PUM3: variants seen among roughly 807,000 people sequenced by gnomAD.
The protein encoded by PUM3 is pumilio RNA binding family member 3, also known as pumilio homolog 3.
PUM3 carries 91 observed loss-of-function variants against 84.0 expected under a neutral mutation model. The ratio of observed to expected loss-of-function variants is 1.08; its 90% confidence interval spans 0.91 to 1.29. The LOEUF (loss-of-function observed/expected upper bound fraction) is 1.29. Ranked by LOEUF, PUM3 falls within the 50% of genes most tolerant of loss-of-function variation. PUM3 has a pLI of 0.00. For synonymous variants in PUM3, 321 were observed against 266.7 expected, an observed-to-expected ratio of 1.20 and a Z score of -1.98; for missense variants, 1,067 against 767.5, an observed-to-expected ratio of 1.39 and a Z score of -4.61.
At chr9:2,808,309 C>T (rs1049571725) in intron 16 of PUM3, among the ~76,000 whole-genome samples, 1 of 152,234 alleles carries the variant, frequency 6.6e-6, no homozygotes, top group African/African-American at 2.4e-5. Context: ...GAGAAATGCT[C>T]ACTCACAAGG....
chr9:2,816,376 A>G (rs1821469787), intron 13 of PUM3, among the ~76,000 whole-genome samples: 1 of 152,202 alleles, frequency 6.6e-6, no homozygotes, highest in East Asian at 1.9e-4. Flanking sequence ...AAAAACTGGA[A>G]GGTCTAGTTT....
chr9:2,819,112 C>T (rs892418555), intron 13 of PUM3, among the ~76,000 whole-genome samples: 1 of 152,160 alleles, frequency 6.6e-6, no homozygotes, highest in Non-Finnish European at 1.5e-5. Context: ...ATGTGGTTTT[C>T]CAGACGTTTC....
intron 9 of PUM3, 97 bp downstream of exon 9, chr9:2,828,578 A>G: frequency 1.4e-6 from 1 of 725,080 alleles, no homozygotes; most frequent in Non-Finnish European, 2.4e-6. Context: ...TAATACTTGT[A>G]AGCAGGAAAT....
At chr9:2,837,489 T>G in intron 2 of PUM3, 88 bp from the exon 3 acceptor site, 1 of 832,028 alleles carries the variant, frequency 1.2e-6, no homozygotes, top group South Asian at 1.8e-5. Flanking sequence ...AAAATTATAC[T>G]TTTTAATCCC....
At chr9:2,822,582 T>C (rs1382988496) in intron 12 of PUM3, among the ~76,000 whole-genome samples, 1 of 151,578 alleles carries the variant, frequency 6.6e-6, no homozygotes, top group Non-Finnish European at 1.5e-5. Context: ...TAAAATGTTA[T>C]ACTCTTAATA....
At chr9:2,816,473 T>A (rs539146202) in intron 13 of PUM3, among the ~76,000 whole-genome samples, 2 of 152,272 alleles carry the variant, frequency 1.3e-5, no homozygotes, top group Non-Finnish European at 2.9e-5. Flanking sequence ...ACTACTTAAC[T>A]GTATCCTTCA....
At chr9:2,838,331 T>C in intron 2 of PUM3, 95 bp downstream of exon 2, 2 of 836,142 alleles carry the variant, frequency 2.4e-6, no homozygotes, top group South Asian at 2.9e-5. Context: ...ATTTTAATCC[T>C]AATCCTAGCC....
chr9:2,829,950 T>C lies in PUM3; in HGVS notation c.678-2A>G, dbSNP rs1796323526. ...ATCTCTGCAATCTGTGGTTTACTTC[T>C]AAACGCAACACAATCATGGAAAAAT... On this transcript the variant is annotated splice_acceptor_variant, in intron 7 of 17. Coordinates refer to ENST00000397885, the MANE Select transcript of PUM3 (RefSeq NM_014878.5). LOFTEE classifies it high-confidence loss of function. 3.7e-6 allele frequency: 6 copies of C among 1,603,616 alleles called. No homozygotes were observed. Among genetic ancestry groups the C allele is most frequent in the Non-Finnish European group, 5.1e-6 (6 of 1,172,180 alleles).
At chr9:2,841,711 G>C (rs1186759222) in intron 1 of PUM3, among the ~76,000 whole-genome samples, 1 of 146,834 alleles carries the variant, frequency 6.8e-6, no homozygotes, top group Non-Finnish European at 1.5e-5. Context: ...TACTGCTGCA[G>C]GCCAAAAAAA....
At chr9:2,841,875 C>A (rs1471181802) in intron 1 of PUM3, among the ~76,000 whole-genome samples, 3 of 152,182 alleles carry the variant, frequency 2.0e-5, no homozygotes, top group African/African-American at 7.2e-5. Context: ...CAAGTTTACT[C>A]TTTCTGGTGT....
chr9:2,804,280 CAGAA>C lies in PUM3; in HGVS notation c.*47_*50del, dbSNP rs1821216154. 6.3e-7 allele frequency: 1 copy of C among 1,580,932 alleles called. No homozygotes were observed. Among genetic ancestry groups the C allele is most frequent in the African/African-American group, 1.4e-5 (1 of 73,670 alleles). On this transcript the variant is annotated 3_prime_UTR_variant, in exon 18 of 18. Coordinates refer to ENST00000397885, the MANE Select transcript of PUM3 (RefSeq NM_014878.5). ...ACCCCTTCTTTTCTGCATTGGGAAA[CAGAA>C]CAGAGAACAGAAAAAATCATTCCAT...
At chr9:2,823,688 G>A (rs992009194) in intron 12 of PUM3, 93 bp downstream of exon 12, 1 of 540,004 alleles carries the variant, frequency 1.9e-6, no homozygotes, top group East Asian at 3.3e-5. Context: ...TTTCTGCTTG[G>A]TAATTTTCTG....
chr9:2,824,364 G>A (rs529365826), intron 11 of PUM3, among the ~76,000 whole-genome samples: 1 of 152,136 alleles, frequency 6.6e-6, no homozygotes, highest in African/African-American at 2.4e-5. Flanking sequence ...GTGGCCAGCT[G>A]TTTGTTATCT....
chr9:2,832,547 T>G (rs1816011548), intron 5 of PUM3, among the ~76,000 whole-genome samples: 2 of 152,196 alleles, frequency 1.3e-5, no homozygotes, highest in South Asian at 4.1e-4. Flanking sequence ...CAGCCAGGAT[T>G]TGAATACCAA....
chr9:2,807,923 C>A lies in PUM3; in HGVS notation c.1724-19G>T. 6.7e-7 allele frequency: 1 copy of A among 1,484,132 alleles called. No individual in the cohort carries two copies. The highest frequency in any genetic ancestry group is 9.4e-7 in the Non-Finnish European group (1 of 1,062,748). The allele number at this position is 1,484,132 out of a possible 1,614,324, so 91.9% of individuals were successfully genotyped here. A position where few individuals can be genotyped will look rare whatever the true frequency, so the allele number is the denominator to read the frequency against. On this transcript the variant is annotated intron_variant, in intron 16 of 17. Transcript: ENST00000397885. ...AAACAACCTGTAAAATATACTGAAG[C>A]TTAGTGAACATCACATAATAAGATA...
rs530046396 is a variant in PUM3 at position 2,804,516 on chromosome 9, T to A, written c.1815-53A>T. On this transcript the variant is annotated intron_variant, in intron 17 of 17. Coordinates refer to ENST00000397885, the MANE Select transcript of PUM3 (RefSeq NM_014878.5). ...ATAAGCATTCCTAGATCATCTCCAA[T>A]ACTACCTGTACCAACAGTAAAAAAG... The A allele has an allele frequency of 1.4e-5, 22 of 1,527,972 alleles. No individual in the cohort carries two copies. In the South Asian group the frequency reaches 2.2e-4, roughly 15 times the overall value. The allele number at this position is 1,527,972 out of a possible 1,614,324, so 94.7% of individuals were successfully genotyped here. A position where few individuals can be genotyped will look rare whatever the true frequency, so the allele number is the denominator to read the frequency against.
At position 2,829,877 on chromosome 9, in the gene PUM3, TCCGCATG is replaced by T. The variant is rs1208079154; in HGVS notation, c.742_748del (p.His248LysfsTer22). 1 of 1,614,002 alleles carries T rather than the reference TCCGCATG, an allele frequency of 6.2e-7. No individual in the cohort carries two copies. Among genetic ancestry groups the T allele is most frequent in the Admixed American group, 1.7e-5 (1 of 60,028 alleles). On this transcript the variant is annotated frameshift_variant, in exon 8 of 18. Transcript: ENST00000397885. LOFTEE classifies it high-confidence loss of function. ...TGCGTACTCCACGATGGCTGATGCT[TCCGCATG>T]CCGCAGCATCTTCCTCACGTGGCCT... is the stretch of plus-strand genomic sequence containing the variant.
chr9:2,837,315 T>A lies in PUM3; in HGVS notation c.169A>T (p.Ile57Phe). The change falls in exon 3 of 18, where the codon ATC becomes TTC. Residue 57 changes from isoleucine (I) to phenylalanine (F), a missense_variant. Transcript: ENST00000397885. Reference sequence around the variant, plus strand: ...ACACCCTTTTTCCCAAGTTTTGTGATACTTTTCTCAAAGTTCCTAGATGTG... The same window carrying A: ...ACACCCTTTTTCCCAAGTTTTGTGAAACTTTTCTCAAAGTTCCTAGATGTG... ...KVTSRNFEKS[I>F]TKLGKKGVKQ... 1 of 1,614,060 alleles carries A rather than the reference T, an allele frequency of 6.2e-7. No homozygotes were observed. The highest frequency in any genetic ancestry group is 1.3e-5 in the African/African-American group (1 of 75,052).
rs1273160455 is a variant in PUM3 at position 2,807,874 on chromosome 9, A to G, written c.1754T>C (p.Val585Ala). The stretch of plus-strand genomic sequence containing the variant: ...CCAGGACTTCAGGTTCTTCATACCA[A>G]CATGCTCTACAAGTGTTTTTGCAAA... ...GCFAKTLVEH[V>A]GMKNLKSWAS... is the part of the protein sequence containing the mutation. The change falls in exon 17 of 18, where the codon GTT becomes GCT. Residue 585 changes from valine to alanine, a missense_variant. Coordinates refer to ENST00000397885, the MANE Select transcript of PUM3 (RefSeq NM_014878.5). The G allele has an allele frequency of 6.2e-7, 1 of 1,613,344 alleles. No individual in the cohort carries two copies. Among genetic ancestry groups the G allele is most frequent in the Non-Finnish European group, 8.5e-7 (1 of 1,179,688 alleles).
Sources: gnomAD v4.1 joint callset for allele counts (sites outside exome capture counted in the v4.1 genomes callset) on GRCh38, gnomAD v4.1.1 for gene constraint, MANE v1.5 for transcripts, NCBI Gene and HGNC (gene_info 2026-07-23, HGNC 2026-07-21) for gene names.